The following TTC3 variants were observed in gnomAD, a reference collection of about 807,000 sequenced individuals.
TTC3 encodes tetratricopeptide repeat domain 3.
In TTC3, 180 loss-of-function variants were observed where a neutral mutation model predicts 249.6. The ratio of observed to expected loss-of-function variants is 0.72; its 90% CI spans 0.64 to 0.82. TTC3 has a LOEUF of 0.82. TTC3 is among the 40% of genes least tolerant of loss of function. The pLI is 0.00. For missense variants in TTC3, 2,061 were observed against 2,398.4 expected, an observed-to-expected ratio of 0.86 and a Z score of 2.94; for synonymous variants, 717 against 805.0, an observed-to-expected ratio of 0.89 and a Z score of 1.85.
At chr21:37,189,734 A>T (rs1019557952) in intron 39 of TTC3, among the ~76,000 whole-genome samples, 7 of 150,136 alleles carry the variant, frequency 4.7e-5, no homozygotes, top group Admixed American at 2.0e-4. Flanking sequence ...TTTTTAGTAG[A>T]GATGAATTTC....
At chr21:37,140,206 T>C (rs1356035962) in intron 19 of TTC3, among the ~76,000 whole-genome samples, 1 of 152,102 alleles carries the variant, frequency 6.6e-6, no homozygotes, top group African/African-American at 2.4e-5. Context: ...ATCTATGTTA[T>C]GGTGTGTTTA....
chr21:37,102,037 T>G (rs1424980604), intron 10 of TTC3, among the ~76,000 whole-genome samples: 2 of 117,190 alleles, frequency 1.7e-5, no homozygotes, highest in African/African-American at 5.6e-5. Context: ...GCAATGATTA[T>G]CTTTTTACTT....
chr21:37,148,377 G>A (rs1601789099), intron 22 of TTC3, among the ~76,000 whole-genome samples, 169 bp from the exon 23 acceptor site: 1 of 152,180 alleles, frequency 6.6e-6, no homozygotes, highest in African/African-American at 2.4e-5. Flanking sequence ...TAGTAAATCA[G>A]ATGAAATAAT....
chr21:37,188,430 A>G (rs2083560691), intron 38 of TTC3, 65 bp from the exon 39 acceptor site: 3 of 1,292,256 alleles, frequency 2.3e-6, no homozygotes, highest in Non-Finnish European at 3.3e-6. Context: ...TTTAAGTTTT[A>G]ACCTTTAAAA....
intron 45 of TTC3, 61 bp downstream of exon 45, chr21:37,200,385 T>C: frequency 6.6e-7 from 1 of 1,525,616 alleles, no homozygotes; most frequent in Non-Finnish European, 9.0e-7. Context: ...ATTTTCAAAA[T>C]AAGAAAGGAA....
chr21:37,179,880 AGT>A (rs1277459056), intron 35 of TTC3, among the ~76,000 whole-genome samples: 1 of 152,240 alleles, frequency 6.6e-6, no homozygotes, highest in Non-Finnish European at 1.5e-5. Flanking sequence ...TTTATCAAAC[AGT>A]GTGTGCTTGG....
rs1319392237 is a variant in TTC3 at position 37,187,434 on chromosome 21, C to T, written c.4923+289C>T. Among the ~76,000 whole-genome samples the T allele has an allele frequency of 2.0e-5, 3 of 152,178 alleles. No homozygotes were observed. In the East Asian group the frequency reaches 5.8e-4, roughly 29 times the overall value. On this transcript the variant is annotated intron_variant, in intron 38 of 45. Transcript: ENST00000355666. ...ATTCAGCCATTTCCTATATTATACA[C>T]TTTGAATACTTTCATCATATTTAAT... is the stretch of plus-strand genomic sequence containing the variant.
chr21:37,152,254 G>T (rs575557796), intron 26 of TTC3, among the ~76,000 whole-genome samples: 1 of 152,268 alleles, frequency 6.6e-6, no homozygotes, highest in East Asian at 1.9e-4. Context: ...AAACCTTTCA[G>T]AGATTGTATT....
At chr21:37,106,383 CACAA>C (rs1426668136) in intron 10 of TTC3, among the ~76,000 whole-genome samples, 2 of 152,112 alleles carry the variant, frequency 1.3e-5, no homozygotes, top group African/African-American at 2.4e-5. Flanking sequence ...TTGATGTTTT[CACAA>C]ACAAGTTACT....
chr21:37,166,434 T>C, exon 33 of TTC3: 2 of 1,614,202 alleles, frequency 1.2e-6, no homozygotes, highest in South Asian at 1.1e-5. Flanking sequence ...ACACAGATCC[T>C]TGAGGGCTCT....
intron 32 of TTC3, among the ~76,000 whole-genome samples, chr21:37,164,839 T>G (rs997811331): frequency 1.3e-5 from 2 of 152,202 alleles, no homozygotes; most frequent in East Asian, 3.8e-4. Flanking sequence ...GGCTGAGGTC[T>G]GTAATAGAGT....
intron 1 of TTC3, among the ~76,000 whole-genome samples, chr21:37,081,274 T>G (rs1381212065): frequency 6.6e-6 from 1 of 151,722 alleles, no homozygotes; most frequent in Non-Finnish European, 1.5e-5. Context: ...CCTGCCACCA[T>G]GCCTGGCCAA....
exon 42 of TTC3, chr21:37,195,806 A>C (rs1318507865): frequency 6.2e-7 from 1 of 1,614,074 alleles, no homozygotes; most frequent in Non-Finnish European, 8.5e-7. Flanking sequence ...GTGATTCCCC[A>C]GGGGAGGCTC....
intron 11 of TTC3, among the ~76,000 whole-genome samples, chr21:37,118,771 A>G (rs530581971): frequency 6.6e-6 from 1 of 152,158 alleles, no homozygotes; most frequent in Non-Finnish European, 1.5e-5. Flanking sequence ...TGATTTTTAC[A>G]TGGATTCTCT....
intron 10 of TTC3, among the ~76,000 whole-genome samples, chr21:37,106,575 G>A (rs1460116911): frequency 1.3e-5 from 2 of 152,140 alleles, no homozygotes; most frequent in Non-Finnish European, 2.9e-5. Context: ...TTTGTATTTA[G>A]TGTGAGGTAG....
At chr21:37,152,747 G>A (rs193209834) in intron 26 of TTC3, among the ~76,000 whole-genome samples, 20 of 152,086 alleles carry the variant, frequency 1.3e-4, no homozygotes, top group African/African-American at 4.6e-4. Flanking sequence ...GCTTACTTTT[G>A]GTATGTTTAT....
At chr21:37,137,346 G>A (rs981638451) in intron 18 of TTC3, among the ~76,000 whole-genome samples, 4 of 152,142 alleles carry the variant, frequency 2.6e-5, no homozygotes, top group Admixed American at 2.6e-4. Flanking sequence ...ATACCATAAA[G>A]AACATTCATG....
intron 8 of TTC3, among the ~76,000 whole-genome samples, chr21:37,094,970 C>T (rs1243579912): frequency 6.6e-6 from 1 of 151,870 alleles, no homozygotes; most frequent in Admixed American, 6.6e-5. Context: ...CTGGTCTCTA[C>T]AAAAAATTTT....
chr21:37,164,120 C>T (rs1053828), exon 32 of TTC3: 13 of 1,613,382 alleles, frequency 8.1e-6, no homozygotes, highest in African/African-American at 2.7e-5. Flanking sequence ...TAGAAGAATT[C>T]GAAGCTCTCT....
Sources: allele counts gnomAD v4.1 joint callset (sites outside exome capture counted in the v4.1 genomes callset), GRCh38; gene constraint gnomAD v4.1.1; transcripts MANE v1.5; gene names NCBI Gene and HGNC (gene_info 2026-07-23, HGNC 2026-07-21).